Variants in PPM1A observed in about 807,000 individuals in gnomAD.
PPM1A encodes the protein protein phosphatase, Mg2+/Mn2+ dependent 1A.
Under a neutral mutation model 35.0 loss-of-function variants are expected in PPM1A, and 7 were observed. The ratio of observed to expected loss-of-function variants is 0.20; its 90% confidence interval spans 0.11 to 0.38. The LOEUF (loss-of-function observed/expected upper bound fraction) is 0.38. Ranked by LOEUF, PPM1A falls within the 10% of genes least tolerant of loss-of-function variation. The pLI is 1.00. For missense variants in PPM1A, 239 were observed against 467.8 expected (o/e 0.51, Z 4.51); for synonymous variants, 153 against 167.3 (o/e 0.91, Z 0.66).
intron 5 of PPM1A, among the ~76,000 whole-genome samples, chr14:60,291,771 C>T (rs1388852387): frequency 1.4e-5 from 2 of 143,626 alleles, no homozygotes; most frequent in African/African-American, 2.8e-5. Context: ...TTTTTTTTCC[C>T]GAAGTTGGGA....
In PPM1A at chr14:60,289,512, G is replaced by C. The variant is rs906994896; in HGVS notation, c.953-294G>C. 1.2e-4 allele frequency among the ~76,000 whole-genome samples: 19 copies of C among 152,198 alleles called. No homozygotes were observed. The highest frequency in any genetic ancestry group is 3.4e-3 in the Middle Eastern group (1 of 294). ...AGAAACTAGTTGACATCTTAAGAAA[G>C]GGTATTCTCACTTGTGCACACATAT... On this transcript the variant is annotated intron_variant, in intron 3 of 5. Transcript: ENST00000395076. This position sits in a 1 kb window ranked among gnomAD's most constrained non-coding sequence, Gnocchi z 4.1.
upstream of PPM1A, chr14:60,246,037 T>C (rs368341783): frequency 8.9e-6 from 14 of 1,577,662 alleles, no homozygotes; most frequent in Non-Finnish European, 1.2e-5. Flanking sequence ...GAGAAAAAAA[T>C]ATGAAACAGG....
intron 3 of PPM1A, chr14:60,286,481 A>G: frequency 1.0e-6 from 1 of 985,406 alleles, no homozygotes; most frequent in South Asian, 4.7e-5. Context: ...CATGACTTTA[A>G]TAGTGTTAAA....
chr14:60,250,695 G>T (rs1882293806), intron 1 of PPM1A, among the ~76,000 whole-genome samples: 1 of 152,226 alleles, frequency 6.6e-6, no homozygotes, highest in African/African-American at 2.4e-5. Context: ...ATTATTGAGA[G>T]AAATTAGACA....
intron 1 of PPM1A, among the ~76,000 whole-genome samples, chr14:60,272,278 T>C (rs1885220780): frequency 1.3e-5 from 2 of 152,178 alleles, no homozygotes; most frequent in South Asian, 2.1e-4. Flanking sequence ...TTTTGAAATA[T>C]AATGAGTAGA....
At chr14:60,272,376 G>T (rs1595321732) in intron 1 of PPM1A, among the ~76,000 whole-genome samples, 1 of 151,666 alleles carries the variant, frequency 6.6e-6, no homozygotes, top group Non-Finnish European at 1.5e-5. Flanking sequence ...GTGTACACTA[G>T]GGGGAGTGTT....
At position 60,269,828 on chromosome 14, in the gene PPM1A, C is replaced by T. The variant is rs558304900; in HGVS notation, c.-20-12856C>T. ...CCTCCCAAAGTGCTGGGATTATAGG[C>T]GTGAGCCATCGTGCCCAGCCGATGG... On this transcript the variant is annotated intron_variant, in intron 1 of 5. Transcript: ENST00000395076. 1.1e-4 allele frequency among the ~76,000 whole-genome samples: 17 copies of T among 152,290 alleles called. No individual in the cohort carries two copies. In the South Asian group the frequency reaches 1.7e-3, roughly 15 times the overall value.
At chr14:60,264,581 C>G (rs1884158304) in intron 1 of PPM1A, among the ~76,000 whole-genome samples, 1 of 152,140 alleles carries the variant, frequency 6.6e-6, no homozygotes, top group South Asian at 2.1e-4. Context: ...GTTGTTTTAT[C>G]CATAGCTCCT....
At chr14:60,253,410 A>T (rs1882674202) in intron 1 of PPM1A, among the ~76,000 whole-genome samples, 1 of 152,198 alleles carries the variant, frequency 6.6e-6, no homozygotes, top group South Asian at 2.1e-4. Flanking sequence ...AAGGAAATAC[A>T]GGGTCAGAGA....
At chr14:60,259,376 G>A (rs770520133) in intron 1 of PPM1A, among the ~76,000 whole-genome samples, 3 of 151,906 alleles carry the variant, frequency 2.0e-5, no homozygotes, top group Non-Finnish European at 4.4e-5. Context: ...AAGTATACAA[G>A]GTTATCAGCA....
upstream of PPM1A, chr14:60,245,764 T>C (rs1391160438): frequency 1.6e-6 from 2 of 1,232,408 alleles, no homozygotes; most frequent in Admixed American, 2.8e-5. This position sits in a 1 kb window ranked among gnomAD's most constrained non-coding sequence, Gnocchi z 4.2. Flanking sequence ...TGTATTATGA[T>C]GTAGGGGAGG....
rs1366367513 is a variant in PPM1A at position 60,297,876 on chromosome 14, G to C, written c.*5394G>C. The C allele has an allele frequency of 1.3e-5, 2 of 151,454 alleles. No homozygotes were observed. The highest frequency in any genetic ancestry group is 4.8e-5 in the African/African-American group (2 of 41,332). 9.4% of individuals were successfully genotyped at this position (151,454 alleles called of 1,614,324 possible). Reference sequence around the variant, plus strand: ...ATATCTCCCTAAAGTTTACAATATTGTAGTGGTTCATGGGCCCCCTGGTTA... The same window carrying C: ...ATATCTCCCTAAAGTTTACAATATTCTAGTGGTTCATGGGCCCCCTGGTTA... On this transcript the variant is annotated 3_prime_UTR_variant, in exon 6 of 6. Transcript: ENST00000395076.
At chr14:60,261,041 C>T (rs969932852) in intron 1 of PPM1A, among the ~76,000 whole-genome samples, 10 of 152,120 alleles carry the variant, frequency 6.6e-5, no homozygotes, top group Admixed American at 2.0e-4. Flanking sequence ...CTCAACTTCC[C>T]GAAAATACCA....
At chr14:60,287,356 A>T (rs1467834886) in intron 3 of PPM1A, 1 of 982,266 alleles carries the variant, frequency 1.0e-6, no homozygotes, top group East Asian at 1.1e-4. Context: ...TACTTGTACC[A>T]TTCAATTGGA....
intron 3 of PPM1A, chr14:60,288,327 T>C: frequency 1.0e-6 from 1 of 967,972 alleles, no homozygotes; most frequent in South Asian, 4.8e-5. Flanking sequence ...ATTGATTCAA[T>C]TTATCATCAG....
intron 1 of PPM1A, chr14:60,257,003 A>G (rs1883211483): frequency 2.0e-5 from 3 of 152,232 alleles, no homozygotes; most frequent in Admixed American, 6.5e-5. Flanking sequence ...TTTGAAAAGT[A>G]TATTATCATA....
At position 60,298,706 on chromosome 14, in the gene PPM1A, CAT is replaced by C. The variant is rs1370047239; in HGVS notation, c.*6225_*6226del. On this transcript the variant is annotated 3_prime_UTR_variant, in exon 6 of 6. Transcript: ENST00000395076. The stretch of plus-strand genomic sequence containing the variant: ...TGTATAAATGTTATGAGTGGAGAGA[CAT>C]GTACATGTTAAAAGCATGTTGCATT... 4 of 151,740 alleles carry C rather than the reference CAT, an allele frequency of 2.6e-5. No homozygotes were observed. Among genetic ancestry groups the C allele is most frequent in the African/African-American group, 4.8e-5 (2 of 41,400 alleles). The allele number at this position is 151,740 out of a possible 1,614,324, so 9.4% of individuals were successfully genotyped here.
chr14:60,271,701 TC>T (rs1885139499), intron 1 of PPM1A, among the ~76,000 whole-genome samples: 2 of 152,234 alleles, frequency 1.3e-5, no homozygotes, highest in African/African-American at 4.8e-5. Flanking sequence ...GCTGCTTTTT[TC>T]TTTTCATTTC....
rs1360082008 is a variant in PPM1A, at chr14:60,296,197, A to C, written c.*3715A>C. On this transcript the variant is annotated 3_prime_UTR_variant, in exon 6 of 6. Coordinates refer to ENST00000395076, the MANE Select transcript of PPM1A (RefSeq NM_021003.5). This position sits in a 1 kb window ranked among gnomAD's most constrained non-coding sequence, Gnocchi z 4.4. ...CAGTGTTAATATCAAATTTTAGCCA[A>C]ATTATTACTATGTGTTTTAATATTT... The C allele has an allele frequency of 6.6e-6, 1 of 151,752 alleles. No individual in the cohort carries two copies. Among genetic ancestry groups the C allele is most frequent in the African/African-American group, 2.4e-5 (1 of 41,402 alleles). The allele number at this position is 151,752 out of a possible 1,614,324, so 9.4% of individuals were successfully genotyped here.
Sources: gnomAD v4.1 joint callset for allele counts (sites outside exome capture counted in the v4.1 genomes callset) on GRCh38, gnomAD v4.1.1 for gene constraint, Gnocchi (gnomAD v3.1) non-coding constraint, MANE v1.5 for transcripts, NCBI Gene and HGNC (gene_info 2026-07-23, HGNC 2026-07-21) for gene names.